DRC11: variants seen among roughly 807,000 people sequenced by gnomAD.
DRC11 encodes the protein IQ and AAA domain-containing protein 1.
the DRC11 span, among the ~76,000 whole-genome samples, chr2:236,309,412 T>A: frequency 6.6e-6 from 1 of 152,074 alleles, no homozygotes; most frequent in Non-Finnish European, 1.5e-5. This position sits in a 1 kb window ranked among gnomAD's most constrained non-coding sequence, Gnocchi z 5.7. Context: ...GGAAGAGACA[T>A]CCCGTTTACT....
At chr2:236,474,570 GTTAAAC>G in the DRC11 span, among the ~76,000 whole-genome samples, 1 of 152,130 alleles carries the variant, frequency 6.6e-6, no homozygotes, top group Non-Finnish European at 1.5e-5. Flanking sequence ...AAAATTTCAT[GTTAAAC>G]TTAGACTGTA....
the DRC11 span, among the ~76,000 whole-genome samples, chr2:236,363,584 G>A: frequency 1.3e-5 from 2 of 152,256 alleles, no homozygotes; most frequent in African/African-American, 4.8e-5. This position sits in a 1 kb window ranked among gnomAD's most constrained non-coding sequence, Gnocchi z 5.6. Flanking sequence ...GGCACAGTAG[G>A]GTGCTTACGG....
the DRC11 span, among the ~76,000 whole-genome samples, chr2:236,459,593 ACG>A: frequency 3.6e-4 from 37 of 103,372 alleles, no homozygotes; most frequent in Admixed American, 6.6e-4. Flanking sequence ...ATATACGTAT[ACG>A]TATACATATA....
the DRC11 span, chr2:236,324,643 T>C: frequency 4.4e-6 from 5 of 1,125,128 alleles, no homozygotes; most frequent in Middle Eastern, 3.9e-4. This position sits in a 1 kb window ranked among gnomAD's most constrained non-coding sequence, Gnocchi z 5.7. Flanking sequence ...AGCATGGTTC[T>C]TCAGAAAGGC....
the DRC11 span, among the ~76,000 whole-genome samples, chr2:236,454,192 G>T: frequency 3.3e-5 from 5 of 152,194 alleles, no homozygotes; most frequent in Non-Finnish European, 5.9e-5. The surrounding 1 kb of genome is among the most constrained non-coding windows in gnomAD (Gnocchi z 5.3). Context: ...TCCATTCAGC[G>T]CATTTGCCAA....
chr2:236,464,793 A>G, the DRC11 span, among the ~76,000 whole-genome samples: 1 of 151,818 alleles, frequency 6.6e-6, no homozygotes, highest in Non-Finnish European at 1.5e-5. Flanking sequence ...GAGTTCTTGC[A>G]AGATCTGGTT....
At chr2:236,494,008 T>A in the DRC11 span, 1 of 820,342 alleles carries the variant, frequency 1.2e-6, no homozygotes, top group Non-Finnish European at 1.7e-6. This position sits in a 1 kb window ranked among gnomAD's most constrained non-coding sequence, Gnocchi z 4.2. Flanking sequence ...CCATTTTCAT[T>A]TAAGAAAAAA....
At chr2:236,383,079 T>G in the DRC11 span, among the ~76,000 whole-genome samples, 1 of 152,182 alleles carries the variant, frequency 6.6e-6, no homozygotes, top group African/African-American at 2.4e-5. Flanking sequence ...AATATCCTTT[T>G]GTTTTCCAGG....
the DRC11 span, chr2:236,419,007 C>A: frequency 1.5e-6 from 2 of 1,304,724 alleles, no homozygotes; most frequent in Non-Finnish European, 2.0e-6. This position sits in a 1 kb window ranked among gnomAD's most constrained non-coding sequence, Gnocchi z 4.8. Flanking sequence ...AACTGAAAAC[C>A]TGTTGGTAGA....
the DRC11 span, among the ~76,000 whole-genome samples, chr2:236,491,138 TACAGTATATATATAC>T: frequency 5.1e-5 from 5 of 98,758 alleles, no homozygotes; most frequent in Non-Finnish European, 9.3e-5. Flanking sequence ...TATATATATA[TACAGTATATATATAC>T]ACACAGTATA....
the DRC11 span, among the ~76,000 whole-genome samples, chr2:236,338,621 T>G: frequency 1.3e-5 from 2 of 151,970 alleles, no homozygotes; most frequent in Non-Finnish European, 2.9e-5. Context: ...ATTTAGAGGG[T>G]GGGAAGGAAG....
At chr2:236,377,783 A>G in the DRC11 span, among the ~76,000 whole-genome samples, 1 of 152,222 alleles carries the variant, frequency 6.6e-6, no homozygotes, top group Non-Finnish European at 1.5e-5. This position sits in a 1 kb window ranked among gnomAD's most constrained non-coding sequence, Gnocchi z 4.9. Context: ...CTCTAAAAGG[A>G]CCTTGAGCAT....
At chr2:236,504,838 C>T in the DRC11 span, among the ~76,000 whole-genome samples, 2 of 152,174 alleles carry the variant, frequency 1.3e-5, no homozygotes, top group Non-Finnish European at 2.9e-5. The surrounding 1 kb of genome is among the most constrained non-coding windows in gnomAD (Gnocchi z 5.0). Context: ...TCCTTGCTGC[C>T]GCCATGTGAA....
the DRC11 span, chr2:236,343,804 A>C: frequency 8.1e-7 from 1 of 1,230,014 alleles, no homozygotes; most frequent in Non-Finnish European, 1.1e-6. This position sits in a 1 kb window ranked among gnomAD's most constrained non-coding sequence, Gnocchi z 6.6. Flanking sequence ...AGTTCTCTGA[A>C]GACTTTCTGA....
chr2:236,398,037 G>A, the DRC11 span, among the ~76,000 whole-genome samples: 1 of 152,206 alleles, frequency 6.6e-6, no homozygotes, highest in Non-Finnish European at 1.5e-5. The surrounding 1 kb of genome is among the most constrained non-coding windows in gnomAD (Gnocchi z 6.2). Context: ...AAGCTTGGAT[G>A]ACAGCGGGGC....
At chr2:236,465,486 C>T in the DRC11 span, 2,513 of 1,605,948 alleles carry the variant, frequency 1.6e-3, 9 homozygotes, top group Non-Finnish European at 2.0e-3. The surrounding 1 kb of genome is among the most constrained non-coding windows in gnomAD (Gnocchi z 6.2). Context: ...GGATATGTCA[C>T]GATGTAGCTC....
the DRC11 span, chr2:236,331,208 C>T: frequency 3.2e-6 from 2 of 630,706 alleles, no homozygotes; most frequent in Non-Finnish European, 5.6e-6. This position sits in a 1 kb window ranked among gnomAD's most constrained non-coding sequence, Gnocchi z 4.8. Flanking sequence ...ACTGCCAAAA[C>T]CCCAAAGATT....
chr2:236,347,508 C>CTCTATATATATATATATATATATA, the DRC11 span, among the ~76,000 whole-genome samples: 140 of 107,516 alleles, frequency 1.3e-3, 2 homozygotes, highest in Non-Finnish European at 2.0e-3. Context: ...AAAAACTGTG[C>CTCTATATATATATATATATATATA]TATATATATA....
At chr2:236,408,687 G>A in the DRC11 span, 1 of 720,634 alleles carries the variant, frequency 1.4e-6, no homozygotes, top group Non-Finnish European at 2.6e-6. This position sits in a 1 kb window ranked among gnomAD's most constrained non-coding sequence, Gnocchi z 5.5. Flanking sequence ...ATTGGTAAAG[G>A]CCTCCTTCTT....
Sources: allele counts gnomAD v4.1 joint callset (sites outside exome capture counted in the v4.1 genomes callset), GRCh38; gene constraint gnomAD v4.1.1; non-coding constraint Gnocchi (gnomAD v3.1); transcripts MANE v1.5; gene names NCBI Gene and HGNC (gene_info 2026-07-23, HGNC 2026-07-21).